The following OR9Q1 variants were observed in gnomAD, a reference collection of about 807,000 sequenced individuals.
The protein encoded by OR9Q1 is olfactory receptor 9Q1.
For missense variants in OR9Q1, 374 were observed against 378.8 expected, an observed-to-expected ratio of 0.99 and a Z score of 0.11; for synonymous variants, 153 against 148.6, an observed-to-expected ratio of 1.03 and a Z score of -0.22.
At chr11:58,140,951 C>T (rs1331215817) in intron 2 of OR9Q1, among the ~76,000 whole-genome samples, 1 of 152,112 alleles carries the variant, frequency 6.6e-6, no homozygotes, top group East Asian at 1.9e-4. Context: ...TTTGTATCCT[C>T]TTTTATTTCA....
chr11:58,160,140 G>A (rs79608008), intron 2 of OR9Q1, among the ~76,000 whole-genome samples: 80 of 152,298 alleles, frequency 5.3e-4, no homozygotes, highest in Middle Eastern at 6.8e-3. Flanking sequence ...ATGGTCAACA[G>A]CTCTGCTAGC....
intron 2 of OR9Q1, among the ~76,000 whole-genome samples, chr11:58,081,793 C>CTTTTTTTTTTTTTTTTTTTTTTTT (rs201892501): frequency 5.5e-5 from 7 of 128,142 alleles, no homozygotes; most frequent in South Asian, 2.5e-4. Context: ...ATGATAGTTT[C>CTTTTTTTTTTTTTTTTTTTTTTTT]TTTTTTTTTT....
intron 2 of OR9Q1, among the ~76,000 whole-genome samples, chr11:58,065,999 G>A (rs1213184536): frequency 2.0e-5 from 3 of 152,262 alleles, no homozygotes; most frequent in East Asian, 1.9e-4. Context: ...GGAGAGGGGC[G>A]CTGTCCTGGC....
intron 2 of OR9Q1, chr11:58,073,111 G>A (rs561803609): frequency 4.7e-6 from 1 of 212,470 alleles, no homozygotes; most frequent in Admixed American, 4.7e-5. Flanking sequence ...GCTATCAGGA[G>A]GCCTCCTGTT....
chr11:58,104,784 G>A (rs1418640786), intron 2 of OR9Q1, among the ~76,000 whole-genome samples: 1 of 152,152 alleles, frequency 6.6e-6, no homozygotes, highest in Non-Finnish European at 1.5e-5. Flanking sequence ...TCTGGTGATT[G>A]AGGAGATTGC....
In OR9Q1 at chr11:58,042,508, A is replaced by T. The variant is rs1390614546; in HGVS notation, c.-92-13362A>T. Among the ~76,000 whole-genome samples, 11 of 151,542 alleles carry T rather than the reference A, an allele frequency of 7.3e-5. No homozygotes were observed. In the South Asian group the frequency reaches 8.5e-4, roughly 12 times the overall value. On this transcript the variant is annotated intron_variant, in intron 1 of 2. Coordinates refer to ENST00000335397, the MANE Select transcript of OR9Q1 (RefSeq NM_001005212.4). ...CTGTTCCGTTCCATTGATCTATATCACTGTTTTGGTACCAGTACCATGCTG... is the reference window on the plus strand; with the variant it reads ...CTGTTCCGTTCCATTGATCTATATCTCTGTTTTGGTACCAGTACCATGCTG...
intron 2 of OR9Q1, chr11:58,109,531 C>A: frequency 2.2e-6 from 1 of 458,300 alleles, no homozygotes; most frequent in Non-Finnish European, 4.4e-6. Context: ...AATGATCATC[C>A]CCCCATTCCC....
At chr11:58,038,054 A>G (rs763406741) in intron 1 of OR9Q1, among the ~76,000 whole-genome samples, 1 of 151,732 alleles carries the variant, frequency 6.6e-6, no homozygotes, top group African/African-American at 2.4e-5. Context: ...TTTTGAGATA[A>G]ATTACATAAA....
intron 2 of OR9Q1, among the ~76,000 whole-genome samples, chr11:58,156,023 C>T (rs2119910430): frequency 6.6e-6 from 1 of 151,876 alleles, no homozygotes; most frequent in South Asian, 2.1e-4. Context: ...AACAATTCTC[C>T]TGCCTCAGCC....
intron 1 of OR9Q1, among the ~76,000 whole-genome samples, chr11:58,053,628 A>ATATATATATATAT (rs1853293761): frequency 3.6e-5 from 1 of 27,400 alleles, no homozygotes; most frequent in Non-Finnish European, 7.5e-5. Context: ...TATATATATA[A>ATATATATATATAT]AATATATATA....
chr11:58,149,185 C>T (rs578232493), intron 2 of OR9Q1, among the ~76,000 whole-genome samples: 1 of 152,184 alleles, frequency 6.6e-6, no homozygotes, highest in Non-Finnish European at 1.5e-5. Flanking sequence ...GGTATTAAAA[C>T]CCCTGAAAAA....
intron 2 of OR9Q1, among the ~76,000 whole-genome samples, chr11:58,145,992 A>C (rs777554818): frequency 1.3e-5 from 2 of 152,212 alleles, no homozygotes; most frequent in Non-Finnish European, 2.9e-5. Flanking sequence ...GAAAAAATAA[A>C]GAAGGGAAAG....
chr11:58,129,061 A>C (rs1854115976), intron 2 of OR9Q1, among the ~76,000 whole-genome samples: 1 of 152,160 alleles, frequency 6.6e-6, no homozygotes, highest in Non-Finnish European at 1.5e-5. Flanking sequence ...TCAGTGCTTT[A>C]AAACAGCACA....
intron 2 of OR9Q1, among the ~76,000 whole-genome samples, chr11:58,120,290 CA>C (rs1420494182): frequency 6.6e-6 from 1 of 151,978 alleles, no homozygotes; most frequent in Non-Finnish European, 1.5e-5. Flanking sequence ...TTCATAAAAT[CA>C]AAGTTGGGTA....
At chr11:58,058,956 G>T (rs1366585449) in intron 2 of OR9Q1, among the ~76,000 whole-genome samples, 1 of 152,176 alleles carries the variant, frequency 6.6e-6, no homozygotes, top group Non-Finnish European at 1.5e-5. Flanking sequence ...TGGCTGATCT[G>T]GGGGAAAGGA....
chr11:58,161,440 G>A (rs182527145), intron 2 of OR9Q1, among the ~76,000 whole-genome samples: 1 of 152,058 alleles, frequency 6.6e-6, no homozygotes, highest in Non-Finnish European at 1.5e-5. Flanking sequence ...ATTCTCACGG[G>A]ATTTCCAGTG....
intron 2 of OR9Q1, among the ~76,000 whole-genome samples, chr11:58,107,484 G>A (rs1853853249): frequency 1.3e-5 from 2 of 152,110 alleles, no homozygotes; most frequent in Non-Finnish European, 2.9e-5. Flanking sequence ...GTGTATATGT[G>A]CCACATTTTC....
At chr11:58,078,981 TC>T (rs1250436462) in intron 2 of OR9Q1, among the ~76,000 whole-genome samples, 2 of 152,242 alleles carry the variant, frequency 1.3e-5, no homozygotes, top group Non-Finnish European at 2.9e-5. Context: ...CAATCTCATT[TC>T]TTTTTCCAGG....
At chr11:58,053,052 G>A (rs1277250960) in intron 1 of OR9Q1, among the ~76,000 whole-genome samples, 3 of 151,482 alleles carry the variant, frequency 2.0e-5, no homozygotes, top group Non-Finnish European at 2.9e-5. Flanking sequence ...GATTCCTCAG[G>A]GATCTAGAAC....
Sources: allele counts gnomAD v4.1 joint callset (sites outside exome capture counted in the v4.1 genomes callset), GRCh38; gene constraint gnomAD v4.1.1; transcripts MANE v1.5; gene names NCBI Gene and HGNC (gene_info 2026-07-23, HGNC 2026-07-21).